The following BCCIP variants were observed in gnomAD, a reference collection of about 807,000 sequenced individuals.
The protein encoded by BCCIP is BRCA2 and CDKN1A-interacting protein.
In BCCIP, 23 loss-of-function variants were observed where a neutral mutation model predicts 32.8. The ratio of observed to expected loss-of-function variants is 0.70; its 90% CI spans 0.51 to 0.99. BCCIP has a LOEUF of 0.99. BCCIP is among the 50% of genes least tolerant of loss of function. The pLI is 0.00. For missense variants in BCCIP, 378 were observed against 379.8 expected (o/e 1.00, Z 0.04); for synonymous variants, 144 against 137.6 (o/e 1.05, Z -0.33).
chr10:125,833,049 C>G (rs966396260), intron 5 of BCCIP, among the ~76,000 whole-genome samples: 1 of 150,612 alleles, frequency 6.6e-6, no homozygotes. Flanking sequence ...GTGAACCTGG[C>G]AGGCAGAGGT....
Position 125,831,558 on chromosome 10 carries a change from T to C in BCCIP, c.550T>C (p.Phe184Leu), listed in dbSNP as rs754241115. 1 of 1,614,210 alleles carries C rather than the reference T, an allele frequency of 6.2e-7. No individual in the cohort carries two copies. The highest frequency in any genetic ancestry group is 8.5e-7 in the Non-Finnish European group (1 of 1,180,020). Reference sequence around the variant, plus strand: ...TGTGGGCCTTCTCCTAAGTGAAAGATTCATTAATGTCCCTCCACAGATCGC... The same window carrying C: ...TGTGGGCCTTCTCCTAAGTGAAAGACTCATTAATGTCCCTCCACAGATCGC... ...KPVGLLLSER[F>L]INVPPQIALP... The change falls in exon 5 of 7, where the codon TTC (phenylalanine) becomes CTC (leucine). Residue 184 changes from phenylalanine (F) to leucine (L), a missense_variant. Coordinates refer to ENST00000278100, the MANE Select transcript of BCCIP (RefSeq NM_078468.3).
At chr10:125,824,107 A>T (rs929917798) in intron 1 of BCCIP, among the ~76,000 whole-genome samples, 2 of 152,050 alleles carry the variant, frequency 1.3e-5, no homozygotes, top group Non-Finnish European at 2.9e-5. Flanking sequence ...GGCGGCACTC[A>T]CTTGGGCCCT....
At chr10:125,844,726 G>A (rs983005080), downstream of BCCIP, among the ~76,000 whole-genome samples, 2 of 152,184 alleles carry the variant, frequency 1.3e-5, no homozygotes, top group Non-Finnish European at 2.9e-5. Flanking sequence ...AGTAAGTAAC[G>A]CTAACAAATG....
chr10:125,843,437 C>T (rs532306715), downstream of BCCIP, among the ~76,000 whole-genome samples: 24 of 152,096 alleles, frequency 1.6e-4, no homozygotes, highest in African/African-American at 4.3e-4. Context: ...GGTGAAACCC[C>T]GTCTCAACTA....
chr10:125,846,715 T>G (rs766434281), downstream of BCCIP, among the ~76,000 whole-genome samples: 1 of 152,204 alleles, frequency 6.6e-6, no homozygotes, highest in Non-Finnish European at 1.5e-5. Flanking sequence ...TTGTGCCACG[T>G]GACAACACCA....
exon 7 of BCCIP, chr10:125,841,995 A>G: frequency 6.8e-7 from 1 of 1,472,582 alleles, no homozygotes; most frequent in Non-Finnish European, 8.9e-7. Flanking sequence ...AGAAACAGGT[A>G]CTGGACTTTT....
chr10:125,835,016 C>CCACAGTCT (rs1390057827), intron 6 of BCCIP, among the ~76,000 whole-genome samples: 24 of 151,808 alleles, frequency 1.6e-4, no homozygotes, highest in Middle Eastern at 3.4e-3. Context: ...GCCTGTAGTC[C>CCACAGTCT]CAGCTACTCG....
intron 7 of BCCIP, among the ~76,000 whole-genome samples, chr10:125,851,986 T>C (rs1944096610): frequency 6.6e-6 from 1 of 151,752 alleles, no homozygotes; most frequent in Non-Finnish European, 1.5e-5. Flanking sequence ...TTCTTCTTTC[T>C]GCTGATTCAC....
intron 3 of BCCIP, among the ~76,000 whole-genome samples, chr10:125,829,739 A>T (rs987148879): frequency 2.0e-5 from 3 of 152,224 alleles, no homozygotes; most frequent in Non-Finnish European, 4.4e-5. Flanking sequence ...AATAAATGTG[A>T]TCTCTAGCTG....
chr10:125,824,636 T>G (rs963957292), intron 1 of BCCIP, among the ~76,000 whole-genome samples: 1 of 152,240 alleles, frequency 6.6e-6, no homozygotes, highest in African/African-American at 2.4e-5. Flanking sequence ...TCCACACCTC[T>G]ATCATCTCTT....
intron 6 of BCCIP, among the ~76,000 whole-genome samples, chr10:125,834,669 G>T (rs191834219): frequency 2.7e-3 from 409 of 152,016 alleles, no homozygotes; most frequent in African/African-American, 9.5e-3. Flanking sequence ...AAATTAGCCG[G>T]GCATGGTGGC....
downstream of BCCIP, among the ~76,000 whole-genome samples, chr10:125,837,350 C>G (rs1427953479): frequency 1.3e-5 from 2 of 152,266 alleles, no homozygotes; most frequent in Non-Finnish European, 1.5e-5. Flanking sequence ...AGACTCTGTA[C>G]TGGCCTCTCA....
At chr10:125,828,479 C>T (rs1854453855) in intron 3 of BCCIP, among the ~76,000 whole-genome samples, 1 of 151,988 alleles carries the variant, frequency 6.6e-6, no homozygotes, top group South Asian at 2.1e-4. Context: ...GTGGCAGAGC[C>T]AGCAAAGGAG....
chr10:125,850,691 G>C (rs1944079743), intron 7 of BCCIP, among the ~76,000 whole-genome samples: 1 of 152,186 alleles, frequency 6.6e-6, no homozygotes, highest in African/African-American at 2.4e-5. Context: ...CTGTTTTCAT[G>C]AGGCGTTGCC....
In BCCIP at chr10:125,830,235, G is replaced by A. The variant is rs1010043604; in HGVS notation, c.322-327G>A. Among the ~76,000 whole-genome samples the A allele has an allele frequency of 2.6e-5, 4 of 152,322 alleles. No homozygotes were observed. In the East Asian group the frequency reaches 7.7e-4, roughly 29 times the overall value. On this transcript the variant is annotated intron_variant, in intron 3 of 6. Transcript: ENST00000278100. The stretch of plus-strand genomic sequence containing the variant: ...CATGAGGTTTATCTCTTCTGGATTT[G>A]TATTATATTGAGAATCTGATAAAAG...
downstream of BCCIP, among the ~76,000 whole-genome samples, chr10:125,844,505 G>A (rs148749512): frequency 7.8e-4 from 119 of 152,324 alleles, no homozygotes; most frequent in East Asian, 9.1e-3. Context: ...GAAAAGGAGA[G>A]GATGTTCTTG....
In BCCIP at chr10:125,852,186, C is replaced by T. The variant is rs1328541131; in HGVS notation, c.851-939C>T. The T allele has an allele frequency of 5.1e-6, 7 of 1,380,520 alleles. No homozygotes were observed. In the African/African-American group the frequency reaches 7.2e-5, roughly 14 times the overall value. The allele number at this position is 1,380,520 out of a possible 1,614,324, so 85.5% of individuals were successfully genotyped here. Reference sequence around the variant, plus strand: ...GCTTCAGTCCAAACCAACGCCCCCTCCATGCTTGTGTGCATTGCTGCGCAT... The same window carrying T: ...GCTTCAGTCCAAACCAACGCCCCCTTCATGCTTGTGTGCATTGCTGCGCAT... On this transcript the variant is annotated intron_variant, in intron 7 of 7. Transcript: ENST00000368759.
chr10:125,840,795 A>G, downstream of BCCIP: 3 of 1,520,674 alleles, frequency 2.0e-6, no homozygotes, highest in Non-Finnish European at 2.7e-6. Flanking sequence ...ACTCAGACTT[A>G]TCTAGGGAAA....
chr10:125,827,592 T>G lies in BCCIP; in HGVS notation c.275T>G (p.Leu92Arg), dbSNP rs369497635. The G allele has an allele frequency of 1.6e-5, 26 of 1,613,128 alleles. No individual in the cohort carries two copies. Among genetic ancestry groups the G allele is most frequent in the African/African-American group, 4.0e-5 (3 of 74,928 alleles). Residue 92 changes from leucine to arginine, a missense_variant, in exon 3 of 7, where the codon CTA becomes CGA. Coordinates refer to ENST00000278100, the MANE Select transcript of BCCIP (RefSeq NM_078468.3). ...FLKAPVNTAE[L>R]TDLLIQQNHI... ...AAGGCTCCTGTGAACACTGCAGAAC[T>G]AACAGATCTCTTAATTCAACAGAAC...
Sources: allele counts gnomAD v4.1 joint callset (sites outside exome capture counted in the v4.1 genomes callset), GRCh38; gene constraint gnomAD v4.1.1; transcripts MANE v1.5; gene names NCBI Gene and HGNC (gene_info 2026-07-23, HGNC 2026-07-21).